MRPS35: variants seen among roughly 807,000 people sequenced by gnomAD.
MRPS35 encodes small ribosomal subunit protein mS35.
Under a neutral mutation model 32.7 loss-of-function variants are expected in MRPS35, and 29 were observed. That is an observed-to-expected ratio of 0.89 (90% CI 0.66 to 1.21). The LOEUF (loss-of-function observed/expected upper bound fraction) is 1.21, where lower values mean the gene tolerates loss of function less well. Among genes scored for constraint, MRPS35 ranks in the 50% most tolerant of loss-of-function variants. The probability of loss-of-function intolerance (pLI) is 0.00; values close to 1 mark genes in which losing one functional copy is unlikely to be tolerated. For synonymous variants in MRPS35, 148 were observed against 139.3 expected (o/e 1.06, Z -0.44); for missense variants, 373 against 383.8 (o/e 0.97, Z 0.23).
chr12:27,751,102 C>CAAAAAAAAAAAAAAA (rs71438703), intron 7 of MRPS35, among the ~76,000 whole-genome samples: 3 of 38,132 alleles, frequency 7.9e-5, no homozygotes, highest in East Asian at 9.6e-4. Flanking sequence ...GACTCCATCT[C>CAAAAAAAAAAAAAAA]AAAAAAAAAA....
chr12:27,731,949 C>G (rs1051907135), intron 5 of MRPS35, among the ~76,000 whole-genome samples: 2 of 152,086 alleles, frequency 1.3e-5, no homozygotes, highest in Non-Finnish European at 2.9e-5. Flanking sequence ...CAACAATATA[C>G]TAAGTTCTTA....
At chr12:27,728,278 T>A (rs915812659) in intron 5 of MRPS35, among the ~76,000 whole-genome samples, 8 of 152,166 alleles carry the variant, frequency 5.3e-5, no homozygotes, top group East Asian at 1.9e-4. Flanking sequence ...TTCTCTTTTT[T>A]AAATTTTTTA....
intron 1 of MRPS35, among the ~76,000 whole-genome samples, chr12:27,713,663 G>C (rs1255935633): frequency 6.6e-6 from 1 of 152,126 alleles, no homozygotes; most frequent in Non-Finnish European, 1.5e-5. Flanking sequence ...CCCACATTGA[G>C]AGCAGGTATT....
intron 4 of MRPS35, among the ~76,000 whole-genome samples, chr12:27,720,648 ATATATT>A (rs1198831315): frequency 1.3e-5 from 2 of 151,774 alleles, no homozygotes; most frequent in Admixed American, 6.6e-5. Context: ...TCTGTAGTAT[ATATATT>A]TATATATACT....
intron 2 of MRPS35, 35 bp from the exon 3 acceptor site, chr12:27,716,256 A>G: frequency 6.8e-7 from 1 of 1,473,984 alleles, no homozygotes; most frequent in Middle Eastern, 1.8e-4. Flanking sequence ...GAATGTGTTT[A>G]TATTTAAAAT....
At chr12:27,741,755 A>C (rs2061965267) in intron 7 of MRPS35, among the ~76,000 whole-genome samples, 1 of 152,226 alleles carries the variant, frequency 6.6e-6, no homozygotes, top group Non-Finnish European at 1.5e-5. Context: ...GATGAGCACA[A>C]ATACTGGGGA....
chr12:27,725,549 G>A, intron 5 of MRPS35: 1 of 226,438 alleles, frequency 4.4e-6, no homozygotes, highest in Non-Finnish European at 8.9e-6. Context: ...CTTGAAGTTT[G>A]TTGATATATA....
Position 27,735,532 on chromosome 12 carries a change from A to G in MRPS35, c.608A>G (p.Asp203Gly), listed in dbSNP as rs2061940190. The change falls in exon 6 of 8, where the codon GAT becomes GGT. Residue 203 changes from aspartate (D) to glycine (G), a missense_variant. By Grantham distance (94) the Asp-to-Gly change is moderately conservative. Transcript: ENST00000081029. ...GGAGAGCGATACTGCAAGACCACAG[A>G]TGTGCTTACCATCAAAACAGATAGG... ...LVGERYCKTTDVLTIKTDRCP... is the reference protein window; with the variant it reads ...LVGERYCKTTGVLTIKTDRCP... 8.7e-6 allele frequency: 14 copies of G among 1,611,980 alleles called. No homozygotes were observed. Among genetic ancestry groups the G allele is most frequent in the Non-Finnish European group, 1.2e-5 (14 of 1,179,260 alleles).
intron 7 of MRPS35, among the ~76,000 whole-genome samples, chr12:27,740,039 G>A (rs1228845996): frequency 6.6e-6 from 1 of 152,294 alleles, no homozygotes; most frequent in African/African-American, 2.4e-5. Flanking sequence ...AGTACCATCA[G>A]TGAAGAAGAT....
Position 27,735,324 on chromosome 12 carries a change from G to A in MRPS35, c.523-123G>A, listed in dbSNP as rs531450343. On this transcript the variant is annotated intron_variant, in intron 5 of 7. Transcript: ENST00000081029. ...ATGTCCCAACTGCTTGCTCTGTATAGAAAGGAGTTTGGAAAGCTTTCTTTT... is the reference window on the plus strand; with the variant it reads ...ATGTCCCAACTGCTTGCTCTGTATAAAAAGGAGTTTGGAAAGCTTTCTTTT... The A allele has an allele frequency of 4.5e-6, 3 of 670,322 alleles. No individual in the cohort carries two copies. The African/African-American group carries it at 5.5e-5, about 12-fold the overall frequency. The allele number at this position is 670,322 out of a possible 1,614,324, so 41.5% of individuals were successfully genotyped here. A position where few individuals can be genotyped will look rare whatever the true frequency, so the allele number is the denominator to read the frequency against.
intron 7 of MRPS35, among the ~76,000 whole-genome samples, chr12:27,741,991 A>G (rs1050241019): frequency 3.3e-5 from 5 of 152,196 alleles, no homozygotes; most frequent in African/African-American, 1.2e-4. Context: ...TTAGCCAAGC[A>G]GTGTTGCATT....
intron 2 of MRPS35, among the ~76,000 whole-genome samples, chr12:27,715,309 G>A (rs992961425): frequency 5.3e-5 from 8 of 152,026 alleles, no homozygotes; most frequent in African/African-American, 1.9e-4. Context: ...CTAATTTTTT[G>A]TGTTTTTAGT....
At chr12:27,712,878 C>G (rs973418076) in intron 1 of MRPS35, among the ~76,000 whole-genome samples, 7 of 152,126 alleles carry the variant, frequency 4.6e-5, no homozygotes, top group Admixed American at 3.9e-4. Flanking sequence ...ATTAGCCAGA[C>G]GTGGTGGCCC....
At chr12:27,754,885 G>T (rs1459314512) in intron 7 of MRPS35, among the ~76,000 whole-genome samples, 2 of 152,040 alleles carry the variant, frequency 1.3e-5, no homozygotes, top group Non-Finnish European at 2.9e-5. Context: ...AGATTGTAAG[G>T]CAGACAGATT....
chr12:27,747,987 A>G (rs931236947), intron 7 of MRPS35, among the ~76,000 whole-genome samples: 2 of 152,218 alleles, frequency 1.3e-5, no homozygotes, highest in African/African-American at 4.8e-5. Context: ...AGGTGATAAT[A>G]GTACTAACTC....
chr12:27,738,633 A>T (rs2061951697), intron 7 of MRPS35, among the ~76,000 whole-genome samples: 3 of 152,252 alleles, frequency 2.0e-5, no homozygotes, highest in East Asian at 1.9e-4. Context: ...TTTAAATTAA[A>T]TTTTTTGTGC....
rs201972375 is a variant in MRPS35 at position 27,751,124 on chromosome 12, A to G, written c.703-4057A>G. Among the ~76,000 whole-genome samples, 4 of 147,480 alleles carry G rather than the reference A, an allele frequency of 2.7e-5. No individual in the cohort carries two copies. In the East Asian group the frequency reaches 8.3e-4, roughly 31 times the overall value. The stretch of plus-strand genomic sequence containing the variant: ...TCTCAAAAAAAAAAAAAAAAAAAAA[A>G]AAGAAAAGAAAAGAAAAAGGAAAAG... On this transcript the variant is annotated intron_variant, in intron 7 of 7. Transcript: ENST00000081029.
rs181826351 is a variant in MRPS35, at chr12:27,731,700, T to G, written c.523-3747T>G. Among the ~76,000 whole-genome samples the G allele has an allele frequency of 3.3e-5, 5 of 152,120 alleles. No homozygotes were observed. The East Asian group carries it at 5.8e-4, about 18-fold the overall frequency. On this transcript the variant is annotated intron_variant, in intron 5 of 7. Transcript: ENST00000081029. ...TCTCCTGCTTCAGCCTCCCAAGTAG[T>G]TGGAATTATAGGAATGCTCCACCAC...
chr12:27,751,848 GGT>G (rs2062005537), intron 7 of MRPS35, among the ~76,000 whole-genome samples: 1 of 152,202 alleles, frequency 6.6e-6, no homozygotes, highest in Non-Finnish European at 1.5e-5. Context: ...AACAAGTGGG[GGT>G]GTGCGCCTGC....
Sources: allele counts gnomAD v4.1 joint callset (sites outside exome capture counted in the v4.1 genomes callset), GRCh38; gene constraint gnomAD v4.1.1; transcripts MANE v1.5; gene names NCBI Gene and HGNC (gene_info 2026-07-23, HGNC 2026-07-21).